The following WWP2 variants were observed in gnomAD, a reference collection of about 807,000 sequenced individuals.
WWP2 encodes the protein WW domain containing E3 ubiquitin protein ligase 2, also known as NEDD4-like E3 ubiquitin-protein ligase WWP2.
WWP2 carries 57 observed loss-of-function variants against 121.0 expected under a neutral mutation model. The observed-to-expected ratio is 0.47, with a 90% CI of 0.38 to 0.59. WWP2 has a LOEUF of 0.59. WWP2 is among the 20% of genes least tolerant of loss of function. WWP2 has a pLI of 0.00. For missense variants in WWP2, 962 were observed against 1,158.9 expected (o/e 0.83, Z 2.47); for synonymous variants, 449 against 441.3 (o/e 1.02, Z -0.22).
chr16:69,808,674 T>G (rs1242261567), intron 4 of WWP2, among the ~76,000 whole-genome samples: 1 of 152,276 alleles, frequency 6.6e-6, no homozygotes, highest in Non-Finnish European at 1.5e-5. Flanking sequence ...AGTGTTGGGA[T>G]TACAGGCGTG....
At chr16:69,917,536 A>C (rs1272854157) in intron 9 of WWP2, 173 bp from the exon 10 acceptor site, 1 of 614,132 alleles carries the variant, frequency 1.6e-6, no homozygotes, top group Admixed American at 3.2e-5. Context: ...GCTAATGGCA[A>C]GGAGGGATTG....
intron 12 of WWP2, 94 bp from the exon 13 acceptor site, chr16:69,930,036 C>T: frequency 6.4e-7 from 1 of 1,571,740 alleles, no homozygotes. Context: ...ATGGGCTCTG[C>T]AGAGACAAAG....
chr16:69,907,561 A>T (rs1193876345), intron 8 of WWP2, among the ~76,000 whole-genome samples: 1 of 152,360 alleles, frequency 6.6e-6, no homozygotes, highest in Non-Finnish European at 1.5e-5. Flanking sequence ...AGCATTATAT[A>T]AATACATTTT....
At chr16:69,871,388 A>G (rs1225482768) in intron 6 of WWP2, among the ~76,000 whole-genome samples, 1 of 152,232 alleles carries the variant, frequency 6.6e-6, no homozygotes, top group African/African-American at 2.4e-5. Context: ...TTCTAGCTAT[A>G]GAGAAAATTG....
intron 4 of WWP2, among the ~76,000 whole-genome samples, chr16:69,831,405 C>T (rs974604943): frequency 3.3e-5 from 5 of 152,198 alleles, no homozygotes; most frequent in Middle Eastern, 3.4e-3. Context: ...GATTTTGTAA[C>T]GGAATTGCAT....
At chr16:69,821,011 G>A (rs1380291147) in intron 4 of WWP2, among the ~76,000 whole-genome samples, 1 of 152,254 alleles carries the variant, frequency 6.6e-6, no homozygotes, top group Non-Finnish European at 1.5e-5. Context: ...TATGGGCTGA[G>A]CCCAGTTCCA....
intron 10 of WWP2, among the ~76,000 whole-genome samples, chr16:69,919,374 T>A (rs1451489973): frequency 6.6e-6 from 1 of 151,314 alleles, no homozygotes; most frequent in Non-Finnish European, 1.5e-5. Flanking sequence ...ACCATGTTAG[T>A]CAGGCTGGTC....
chr16:69,799,990 G>C lies in WWP2; in HGVS notation c.340+695G>C, dbSNP rs145175944. Reference sequence around the variant, plus strand: ...GCGAATGAATGGCATGGAAAGAAAGGCTCCTTTTTCTCTTGATATCTGGAA... The same window carrying C: ...GCGAATGAATGGCATGGAAAGAAAGCCTCCTTTTTCTCTTGATATCTGGAA... On this transcript the variant is annotated intron_variant, in intron 4 of 23. Transcript: ENST00000359154. The surrounding 1 kb of genome is among the most constrained non-coding windows in gnomAD (Gnocchi z 4.5). 2.0e-5 allele frequency among the ~76,000 whole-genome samples: 3 copies of C among 150,854 alleles called. No homozygotes were observed. Among genetic ancestry groups the C allele is most frequent in the Non-Finnish European group, 4.4e-5 (3 of 67,922 alleles).
chr16:69,896,722 T>C (rs1156313960), intron 8 of WWP2, among the ~76,000 whole-genome samples: 1 of 148,844 alleles, frequency 6.7e-6, no homozygotes, highest in Non-Finnish European at 1.5e-5. Flanking sequence ...CTGCAGCTTG[T>C]GTGTATTTTT....
At chr16:69,902,845 G>A (rs1206165424) in intron 8 of WWP2, among the ~76,000 whole-genome samples, 2 of 152,154 alleles carry the variant, frequency 1.3e-5, no homozygotes, top group Admixed American at 1.3e-4. Context: ...TCTGGTTGGT[G>A]ATAGAATCCA....
chr16:69,785,394 T>A (rs902662342), intron 1 of WWP2, among the ~76,000 whole-genome samples: 5 of 152,200 alleles, frequency 3.3e-5, no homozygotes, highest in Admixed American at 2.0e-4. Context: ...CTTAAAGACT[T>A]GTCTGATGAG....
intron 6 of WWP2, among the ~76,000 whole-genome samples, chr16:69,852,125 T>A (rs997124888): frequency 6.6e-6 from 1 of 152,206 alleles, no homozygotes; most frequent in Non-Finnish European, 1.5e-5. Flanking sequence ...GCTGCACCAG[T>A]TTGCATTGCC....
At chr16:69,779,864 G>A (rs78419136) in intron 1 of WWP2, among the ~76,000 whole-genome samples, 2,721 of 152,140 alleles carry the variant, frequency 0.018, 79 homozygotes, top group African/African-American at 0.058. Flanking sequence ...TTCAAGATAC[G>A]ATCTTTTGCT....
intron 4 of WWP2, among the ~76,000 whole-genome samples, chr16:69,821,899 T>C (rs2056599906): frequency 6.6e-6 from 1 of 151,444 alleles, no homozygotes; most frequent in South Asian, 2.1e-4. Flanking sequence ...AGAAACAGGG[T>C]CTTACTCTGT....
At chr16:69,857,125 A>G (rs2057330066) in intron 6 of WWP2, among the ~76,000 whole-genome samples, 1 of 151,556 alleles carries the variant, frequency 6.6e-6, no homozygotes, top group Admixed American at 6.6e-5. Flanking sequence ...TTTTTTTGAG[A>G]CAGAGTCTCA....
intron 9 of WWP2, among the ~76,000 whole-genome samples, chr16:69,916,498 G>A (rs2058481427): frequency 6.6e-6 from 1 of 152,228 alleles, no homozygotes; most frequent in African/African-American, 2.4e-5. Flanking sequence ...TAGGCTGGAT[G>A]GAGTGGGGAG....
chr16:69,799,461 C>CT lies in WWP2; in HGVS notation c.340+167dup. The CT allele has an allele frequency of 2.2e-6, 2 of 905,620 alleles. No individual in the cohort carries two copies. Among genetic ancestry groups the CT allele is most frequent in the Non-Finnish European group, 3.2e-6 (2 of 622,916 alleles). The allele number at this position is 905,620 out of a possible 1,614,324, so 56.1% of individuals were successfully genotyped here. On this transcript the variant is annotated intron_variant, in intron 4 of 23. Transcript: ENST00000359154. This position sits in a 1 kb window ranked among gnomAD's most constrained non-coding sequence, Gnocchi z 4.5. ...GGGAAGGCTGAGGGCTCCTCTCTGC[C>CT]TCCACTACAGAGTTTAGCCCTCTTT...
intron 4 of WWP2, among the ~76,000 whole-genome samples, chr16:69,817,692 A>G (rs1298789807): frequency 1.6e-5 from 2 of 121,288 alleles, no homozygotes; most frequent in African/African-American, 6.5e-5. Context: ...TTTTAAAGAG[A>G]TGGAGTCTCG....
At chr16:69,811,763 A>C (rs369288782) in intron 4 of WWP2, among the ~76,000 whole-genome samples, 1 of 152,158 alleles carries the variant, frequency 6.6e-6, no homozygotes, top group East Asian at 1.9e-4. Flanking sequence ...CAAAAAAATA[A>C]AAGATTCAAA....
Sources: allele counts gnomAD v4.1 joint callset (sites outside exome capture counted in the v4.1 genomes callset), GRCh38; gene constraint gnomAD v4.1.1; non-coding constraint Gnocchi (gnomAD v3.1); transcripts MANE v1.5; gene names NCBI Gene and HGNC (gene_info 2026-07-23, HGNC 2026-07-21).